The following TMEM233 variants were observed in gnomAD, a reference collection of about 807,000 sequenced individuals.
TMEM233 encodes dispanin subfamily B member 2.
A neutral mutation model predicts 11.2 loss-of-function variants in TMEM233; 6 were observed. The ratio of observed to expected loss-of-function variants is 0.54; its 90% CI spans 0.29 to 1.06. The LOEUF (loss-of-function observed/expected upper bound fraction) is 1.06. TMEM233 is among the 50% of genes least tolerant of loss of function. TMEM233 has a pLI of 0.08. For missense variants in TMEM233, 127 were observed against 144.7 expected (o/e 0.88, Z 0.63); for synonymous variants, 59 against 55.8 (o/e 1.06, Z -0.26).
intron 1 of TMEM233, among the ~76,000 whole-genome samples, chr12:119,596,403 C>T (rs555318149): frequency 6.6e-6 from 1 of 151,202 alleles, no homozygotes; most frequent in South Asian, 2.1e-4. Context: ...TTTGCACATG[C>T]TTTGAATTGA....
chr12:119,643,274 T>G (rs1032544026), downstream of TMEM233, among the ~76,000 whole-genome samples: 1 of 152,194 alleles, frequency 6.6e-6, no homozygotes, highest in Non-Finnish European at 1.5e-5. Flanking sequence ...TTGGTCCTAT[T>G]AAAGTAAAAA....
intron 1 of TMEM233, among the ~76,000 whole-genome samples, chr12:119,618,785 G>A (rs779372677): frequency 9.2e-5 from 14 of 152,290 alleles, no homozygotes; most frequent in African/African-American, 3.4e-4. Flanking sequence ...GGTCATAGGC[G>A]GAAGGGATTT....
intron 2 of TMEM233, among the ~76,000 whole-genome samples, chr12:119,633,660 G>A (rs1954926805): frequency 1.3e-5 from 2 of 152,156 alleles, no homozygotes; most frequent in South Asian, 2.1e-4. Flanking sequence ...GGGCAAGAGA[G>A]AGAGAGACAG....
chr12:119,621,925 T>C (rs1351342448), intron 1 of TMEM233, among the ~76,000 whole-genome samples: 2 of 152,262 alleles, frequency 1.3e-5, no homozygotes, highest in Non-Finnish European at 2.9e-5. Flanking sequence ...AGTTGTTTTA[T>C]ATTAATCTGT....
chr12:119,622,470 T>C (rs551947799), intron 1 of TMEM233, among the ~76,000 whole-genome samples: 1 of 152,214 alleles, frequency 6.6e-6, no homozygotes, highest in African/African-American at 2.4e-5. Context: ...TAGTTTACAT[T>C]CTAAGCTCTT....
At chr12:119,615,787 A>G (rs1441527520) in intron 1 of TMEM233, among the ~76,000 whole-genome samples, 2 of 152,104 alleles carry the variant, frequency 1.3e-5, no homozygotes, top group Non-Finnish European at 2.9e-5. Context: ...TCTGGTGTGA[A>G]GTGTTATGAA....
chr12:119,625,581 G>A (rs867714081), intron 1 of TMEM233, among the ~76,000 whole-genome samples: 1 of 152,038 alleles, frequency 6.6e-6, no homozygotes, highest in Non-Finnish European at 1.5e-5. Context: ...ACTGTTGGGT[G>A]ACTCTCAGCC....
At chr12:119,609,033 C>G (rs904294262) in intron 1 of TMEM233, among the ~76,000 whole-genome samples, 3 of 152,106 alleles carry the variant, frequency 2.0e-5, no homozygotes, top group Non-Finnish European at 4.4e-5. Context: ...GAGGTTGGAA[C>G]AGTTTGGAGG....
At position 119,593,813 on chromosome 12, in the gene TMEM233, C is replaced by T. The variant is rs769615334; in HGVS notation, c.-36C>T. 4 of 1,543,026 alleles carry T rather than the reference C, an allele frequency of 2.6e-6. No individual in the cohort carries two copies. The highest frequency in any genetic ancestry group is 2.7e-5 in the African/African-American group (2 of 72,890). On this transcript the variant is annotated 5_prime_UTR_variant, in exon 1 of 3. Coordinates refer to ENST00000426426, the MANE Select transcript of TMEM233 (RefSeq NM_001136534.3). The surrounding 1 kb of genome is among the most constrained non-coding windows in gnomAD (Gnocchi z 4.1). ...AGAGCCCCAGACCACACAGACCGTGCGCTCCTCCGCCCTCCCGGCGCCGCC... is the reference window on the plus strand; with the variant it reads ...AGAGCCCCAGACCACACAGACCGTGTGCTCCTCCGCCCTCCCGGCGCCGCC...
intron 2 of TMEM233, among the ~76,000 whole-genome samples, chr12:119,632,130 C>T (rs1954897912): frequency 6.6e-6 from 1 of 152,194 alleles, no homozygotes; most frequent in African/African-American, 2.4e-5. Context: ...ATAATAATAG[C>T]AGCTGACACT....
rs115046822 is a variant in TMEM233, at chr12:119,639,332, T to G, written c.324-1367T>G. Among the ~76,000 whole-genome samples the G allele has an allele frequency of 7.2e-3, 1,089 of 151,896 alleles. 8 individuals carry two copies. The highest frequency in any genetic ancestry group is 0.021 in the African/African-American group (857 of 41,422). ...GAGCATGGCCCTTAAGAGTGCCTATTTATGGCCAGGTGTGGTGACTCACAC... is the reference window on the plus strand; with the variant it reads ...GAGCATGGCCCTTAAGAGTGCCTATGTATGGCCAGGTGTGGTGACTCACAC... On this transcript the variant is annotated intron_variant, in intron 2 of 2. Transcript: ENST00000426426.
chr12:119,636,378 G>C (rs10849685), intron 2 of TMEM233, among the ~76,000 whole-genome samples: 116,506 of 152,140 alleles, frequency 0.77, 44,797 homozygotes, highest in Middle Eastern at 0.85. Context: ...ATTTCTTATT[G>C]TTATTATAGC....
At chr12:119,606,241 A>G (rs977122127) in intron 1 of TMEM233, among the ~76,000 whole-genome samples, 1 of 152,190 alleles carries the variant, frequency 6.6e-6, no homozygotes, top group African/African-American at 2.4e-5. Flanking sequence ...AAAAAGTATC[A>G]GACTATGTTC....
intron 1 of TMEM233, among the ~76,000 whole-genome samples, chr12:119,603,193 C>T (rs1367142654): frequency 2.0e-5 from 3 of 152,172 alleles, no homozygotes; most frequent in African/African-American, 7.2e-5. Context: ...ATCACTTGAG[C>T]CCAGGAGGCA....
chr12:119,599,675 G>A (rs1417307379), intron 1 of TMEM233, among the ~76,000 whole-genome samples: 1 of 152,140 alleles, frequency 6.6e-6, no homozygotes, highest in Non-Finnish European at 1.5e-5. Flanking sequence ...GGAGGTACCA[G>A]CTGAAGATAC....
chr12:119,647,125 G>T (rs1955163716), downstream of TMEM233, among the ~76,000 whole-genome samples: 1 of 152,082 alleles, frequency 6.6e-6, no homozygotes, highest in South Asian at 2.1e-4. Flanking sequence ...CAAACTTCTG[G>T]CCTCAAGCAA....
rs185750208 is a variant in TMEM233 at position 119,605,709 on chromosome 12, G to A, written c.186+11675G>A. 1.6e-3 allele frequency among the ~76,000 whole-genome samples: 239 copies of A among 152,126 alleles called. 2 individuals carry two copies. The highest frequency in any genetic ancestry group is 5.4e-3 in the African/African-American group (223 of 41,506). ...CTCCCGAAGTGCTGGGATTAGAGGC[G>A]TGAGCCACAACATCTGGCCCTGCCT... On this transcript the variant is annotated intron_variant, in intron 1 of 2. Coordinates refer to ENST00000426426, the MANE Select transcript of TMEM233 (RefSeq NM_001136534.3).
chr12:119,629,952 G>A, intron 2 of TMEM233, 80 bp downstream of exon 2: 2 of 1,432,556 alleles, frequency 1.4e-6, no homozygotes, highest in South Asian at 1.5e-5. Context: ...GGTAGATTAG[G>A]TTATGCTCCA....
chr12:119,605,829 C>T (rs115227160), intron 1 of TMEM233, among the ~76,000 whole-genome samples: 1,911 of 152,210 alleles, frequency 0.013, 42 homozygotes, highest in African/African-American at 0.044. Flanking sequence ...ACAATACTCT[C>T]AATCAAGCCT....
Sources: allele counts gnomAD v4.1 joint callset (sites outside exome capture counted in the v4.1 genomes callset), GRCh38; gene constraint gnomAD v4.1.1; non-coding constraint Gnocchi (gnomAD v3.1); transcripts MANE v1.5; gene names NCBI Gene and HGNC (gene_info 2026-07-23, HGNC 2026-07-21).